QRICH1: variants seen among roughly 807,000 people sequenced by gnomAD.
QRICH1 encodes the protein transcriptional regulator QRICH1.
In QRICH1, 16 loss-of-function variants were observed where a neutral mutation model predicts 87.1. The ratio of observed to expected loss-of-function variants is 0.18; its 90% CI spans 0.12 to 0.28. The LOEUF (loss-of-function observed/expected upper bound fraction) is 0.28. Ranked by LOEUF, QRICH1 falls within the 10% of genes least tolerant of loss-of-function variation. QRICH1 has a pLI of 1.00. For missense variants in QRICH1, 647 were observed against 951.7 expected, an observed-to-expected ratio of 0.68 and a Z score of 4.21; for synonymous variants, 367 against 368.4, an observed-to-expected ratio of 1.00 and a Z score of 0.05.
At chr3:49,074,081 C>T (rs908142721) in intron 2 of QRICH1, among the ~76,000 whole-genome samples, 6 of 152,064 alleles carry the variant, frequency 3.9e-5, no homozygotes, top group Non-Finnish European at 8.8e-5. Flanking sequence ...TGCACTTAGC[C>T]GTTTTGTGGT....
In QRICH1 at chr3:49,093,982, C is replaced by A; in HGVS notation, c.-92G>T. 2.5e-6 allele frequency: 1 copy of A among 402,382 alleles called. No homozygotes were observed. Among genetic ancestry groups the A allele is most frequent in the Non-Finnish European group, 4.4e-6 (1 of 229,260 alleles). 24.9% of individuals were successfully genotyped at this position (402,382 alleles called of 1,614,324 possible). ...CCGGCCCCGCCGCACCGCCAGGGAC[C>A]CTGGTTCTGCCGTCGTCGCTCCAAG... is the stretch of plus-strand genomic sequence containing the variant. On this transcript the variant is annotated 5_prime_UTR_variant, in exon 1 of 10. Transcript: ENST00000395443.
chr3:49,030,035 T>A lies in QRICH1; in HGVS notation c.*417A>T. On this transcript the variant is annotated 3_prime_UTR_variant, in exon 10 of 10. Coordinates refer to ENST00000395443, the MANE Select transcript of QRICH1 (RefSeq NM_198880.3). ...ATCATGAAGAAAGAAAAGAACATCG[T>A]TCCCCTGTGGTCAGCAAAGTCTGTC... 3.6e-6 allele frequency: 1 copy of A among 277,918 alleles called. No individual in the cohort carries two copies. 17.2% of individuals were successfully genotyped at this position (277,918 alleles called of 1,614,324 possible).
At chr3:49,031,283 C>G (rs2093237247) in intron 9 of QRICH1, among the ~76,000 whole-genome samples, 1 of 152,122 alleles carries the variant, frequency 6.6e-6, no homozygotes, top group African/African-American at 2.4e-5. Context: ...CCACGGTGCC[C>G]AGCCTCATGT....
At chr3:49,031,354 C>T (rs923263451) in intron 9 of QRICH1, among the ~76,000 whole-genome samples, 2 of 152,090 alleles carry the variant, frequency 1.3e-5, no homozygotes, top group Non-Finnish European at 2.9e-5. Context: ...GGTTCACCCC[C>T]CTCCCCCGAA....
intron 2 of QRICH1, among the ~76,000 whole-genome samples, chr3:49,074,839 C>T (rs1306967706): frequency 6.6e-6 from 1 of 151,488 alleles, no homozygotes; most frequent in Non-Finnish European, 1.5e-5. Context: ...ATTAGCTGGG[C>T]GTGGTGGCAG....
intron 1 of QRICH1, among the ~76,000 whole-genome samples, chr3:49,081,939 C>A (rs546831094): frequency 7.2e-5 from 11 of 152,232 alleles, no homozygotes; most frequent in African/African-American, 2.4e-4. Context: ...TCCAAAGTAG[C>A]TGGGATTACA....
At chr3:49,074,305 G>A (rs891547072) in intron 2 of QRICH1, among the ~76,000 whole-genome samples, 1 of 152,004 alleles carries the variant, frequency 6.6e-6, no homozygotes, top group African/African-American at 2.4e-5. Context: ...GGACGTGGTG[G>A]CTCACACCTG....
rs1371796937 is a variant in QRICH1, at chr3:49,032,751, C to T, written c.1918G>A (p.Asp640Asn). 1 of 1,607,848 alleles carries T rather than the reference C, an allele frequency of 6.2e-7. No homozygotes were observed. ...GAGAAGGCCAGCTTCATGTGCTGGT[C>T]CACTGTCTTCAATAGGAAGTACCTG... ...NTKYFLLKTVDQHMKLAFSKV... is the reference protein window; with the variant it reads ...NTKYFLLKTVNQHMKLAFSKV... The change falls in exon 8 of 10, where the codon GAC (aspartate) becomes AAC (asparagine). Residue 640 changes from aspartate to asparagine, a missense_variant. Around this residue, in one of 7 missense-constraint regions of QRICH1, gnomAD observed 187 missense variants for 309.5 expected, o/e 0.60. Coordinates refer to ENST00000395443, the MANE Select transcript of QRICH1 (RefSeq NM_198880.3).
chr3:49,039,228 A>C (rs1277246416), intron 6 of QRICH1, among the ~76,000 whole-genome samples: 1 of 151,386 alleles, frequency 6.6e-6, no homozygotes, highest in South Asian at 2.1e-4. Flanking sequence ...GTTGTGGCAC[A>C]TGCCTGTAAT....
chr3:49,074,466 G>A (rs1157244304), intron 2 of QRICH1, among the ~76,000 whole-genome samples: 1 of 151,902 alleles, frequency 6.6e-6, no homozygotes, highest in African/African-American at 2.4e-5. Flanking sequence ...CAGCTACTCG[G>A]GAGGCTGAGG....
chr3:49,089,125 C>T, intron 1 of QRICH1, among the ~76,000 whole-genome samples: 1 of 151,164 alleles, frequency 6.6e-6, no homozygotes, highest in East Asian at 1.9e-4. Context: ...CAATGGTGCC[C>T]TCTCAGTTCA....
chr3:49,029,996 T>G lies in QRICH1; in HGVS notation c.*456A>C. On this transcript the variant is annotated 3_prime_UTR_variant, in exon 10 of 10. Coordinates refer to ENST00000395443, the MANE Select transcript of QRICH1 (RefSeq NM_198880.3). ...CCTCATTTTTCTTCCATTAAGATGCTAAGTTTATGTCTGATCATGAAGAAA... is the reference window on the plus strand; with the variant it reads ...CCTCATTTTTCTTCCATTAAGATGCGAAGTTTATGTCTGATCATGAAGAAA... 1 of 216,644 alleles carries G rather than the reference T, an allele frequency of 4.6e-6. No individual in the cohort carries two copies. The highest frequency in any genetic ancestry group is 9.1e-6 in the Non-Finnish European group (1 of 110,378). 13.4% of individuals were successfully genotyped at this position (216,644 alleles called of 1,614,324 possible). A position where few individuals can be genotyped will look rare whatever the true frequency, so the allele number is the denominator to read the frequency against.
chr3:49,041,541 T>C (rs574427304), intron 6 of QRICH1, among the ~76,000 whole-genome samples: 1 of 152,250 alleles, frequency 6.6e-6, no homozygotes, highest in South Asian at 2.1e-4. Flanking sequence ...TTGACCAGGC[T>C]GGTCCCAAAC....
At chr3:49,061,321 G>A (rs2093433691) in intron 2 of QRICH1, among the ~76,000 whole-genome samples, 2 of 151,784 alleles carry the variant, frequency 1.3e-5, no homozygotes, top group African/African-American at 4.8e-5. Context: ...ATGTTTAATG[G>A]GAAAGGCATT....
intron 7 of QRICH1, 37 bp from the exon 8 acceptor site, chr3:49,032,810 T>C: frequency 6.3e-7 from 1 of 1,583,678 alleles, no homozygotes; most frequent in South Asian, 1.1e-5. Context: ...GAGGGAGGGG[T>C]GCCGGGAGGA....
chr3:49,085,854 C>T (rs370537164), intron 1 of QRICH1, among the ~76,000 whole-genome samples: 53 of 151,334 alleles, frequency 3.5e-4, no homozygotes, highest in African/African-American at 1.2e-3. Context: ...ACATAAGACA[C>T]AAAAGTTGAG....
intron 2 of QRICH1, among the ~76,000 whole-genome samples, chr3:49,067,335 AG>A (rs2093474371): frequency 6.6e-6 from 1 of 152,090 alleles, no homozygotes; most frequent in South Asian, 2.1e-4. Context: ...TGGGAGGCCA[AG>A]GTAGGCAGAT....
rs1303798257 is a variant in QRICH1 at position 49,044,396 on chromosome 3, G to A, written c.1780C>T (p.Pro594Ser). 2.5e-6 allele frequency: 4 copies of A among 1,606,608 alleles called. No homozygotes were observed. The highest frequency in any genetic ancestry group is 3.3e-4 in the Middle Eastern group (2 of 6,040). Residue 594 changes from proline (P) to serine (S), a missense_variant, in exon 6 of 10, where the codon CCA becomes TCA. Physicochemically the swap from Pro to Ser is moderately conservative, Grantham distance 74. Coordinates refer to ENST00000395443, the MANE Select transcript of QRICH1 (RefSeq NM_198880.3). ...GGACAAGGGAGACTCTTACCAAGTG[G>A]AGTGACCCGGGGCTGAACATCCTTC... is the stretch of plus-strand genomic sequence containing the variant. The part of the protein sequence containing the change: ...VLKDVQPRVT[P>S]LGYVLPSHVT...
chr3:49,078,615 T>G (rs2041998670), intron 1 of QRICH1, among the ~76,000 whole-genome samples: 1 of 149,444 alleles, frequency 6.7e-6, no homozygotes, highest in Non-Finnish European at 1.5e-5. Flanking sequence ...CAGGATGGTC[T>G]CGATCTCCTG....
Sources: allele counts gnomAD v4.1 joint callset (sites outside exome capture counted in the v4.1 genomes callset), GRCh38; gene constraint gnomAD v4.1.1; regional missense constraint gnomAD v4.1.1; transcripts MANE v1.5; gene names NCBI Gene and HGNC (gene_info 2026-07-23, HGNC 2026-07-21).